The following PARP8 variants were observed in gnomAD, a reference collection of about 807,000 sequenced individuals.
PARP8 encodes the protein poly(ADP-ribose) polymerase family member 8.
A neutral mutation model predicts 124.1 loss-of-function variants in PARP8; 51 were observed. That is an observed-to-expected ratio of 0.41 (90% CI 0.33 to 0.52). PARP8 has a LOEUF of 0.52. Among genes scored for constraint, PARP8 ranks in the 20% least tolerant of loss-of-function variants. The pLI, the probability that PARP8 is intolerant of heterozygous loss-of-function variation, is 0.21. For missense variants in PARP8, 860 were observed against 1,018.9 expected (o/e 0.84, Z 2.12); for synonymous variants, 391 against 361.5 (o/e 1.08, Z -0.93).
Position 50,828,039 on chromosome 5 carries a change from A to G in PARP8, c.2073A>G (p.Gly691=). The change falls in exon 20 of 26, where the codon GGA becomes GGG. Residue 691 remains glycine (G), a synonymous_variant. Transcript: ENST00000281631. The stretch of plus-strand genomic sequence containing the variant: ...TTAGAGCTGCTAAAAAACTCTTTGG[A>G]AGCACCTTTGCATTTCAGTGAGTAA... ...SNFRAAKKLF[G]STFAFHGSHI... The G allele has an allele frequency of 6.2e-7, 1 of 1,608,928 alleles. No individual in the cohort carries two copies. The highest frequency in any genetic ancestry group is 8.5e-7 in the Non-Finnish European group (1 of 1,175,446).
intron 15 of PARP8, among the ~76,000 whole-genome samples, chr5:50,817,464 C>A (rs186724062): frequency 2.2e-4 from 33 of 152,302 alleles, no homozygotes; most frequent in Admixed American, 2.1e-3. Flanking sequence ...ACCTCAGGAT[C>A]TCATTGCCTC....
At chr5:50,755,613 T>A (rs1385154342) in intron 3 of PARP8, among the ~76,000 whole-genome samples, 1 of 152,080 alleles carries the variant, frequency 6.6e-6, no homozygotes, top group African/African-American at 2.4e-5. Flanking sequence ...GTCAGGTAGT[T>A]TGATGCCTCC....
At chr5:50,677,436 C>A (rs1211300446) in intron 2 of PARP8, among the ~76,000 whole-genome samples, 1 of 151,752 alleles carries the variant, frequency 6.6e-6, no homozygotes, top group Non-Finnish European at 1.5e-5. Context: ...TTAACTAAGA[C>A]AAAGTTTGAA....
intron 2 of PARP8, among the ~76,000 whole-genome samples, chr5:50,711,267 A>G (rs1479772108): frequency 6.6e-6 from 1 of 152,148 alleles, no homozygotes; most frequent in Non-Finnish European, 1.5e-5. Context: ...TTCCATGCAA[A>G]GGGAACACCA....
intron 14 of PARP8, among the ~76,000 whole-genome samples, chr5:50,799,009 T>C (rs762988123): frequency 3.9e-5 from 6 of 152,216 alleles, no homozygotes; most frequent in Non-Finnish European, 8.8e-5. Flanking sequence ...TATTTTCTTC[T>C]ATTTTGTAGT....
At chr5:50,786,471 C>G (rs112364730) in intron 9 of PARP8, among the ~76,000 whole-genome samples, 5 of 151,286 alleles carry the variant, frequency 3.3e-5, no homozygotes, top group African/African-American at 9.7e-5. Context: ...TTCAGGTGAT[C>G]CTCCCACCTC....
At chr5:50,729,973 G>T (rs1456647130) in intron 2 of PARP8, among the ~76,000 whole-genome samples, 1 of 152,150 alleles carries the variant, frequency 6.6e-6, no homozygotes, top group Admixed American at 6.6e-5. Flanking sequence ...ATTTGAGAAT[G>T]CAAGCATTGT....
In PARP8 at chr5:50,782,059, G is replaced by A. The variant is rs544773099; in HGVS notation, c.670+3409G>A. On this transcript the variant is annotated intron_variant, in intron 9 of 25. Coordinates refer to ENST00000281631, the MANE Select transcript of PARP8 (RefSeq NM_024615.4). Reference sequence around the variant, plus strand: ...GAAGAAGGCAGCATCTGCTGAGGGAGGAAGCCCTGCCAGACCAATCCGGAG... The same window carrying A: ...GAAGAAGGCAGCATCTGCTGAGGGAAGAAGCCCTGCCAGACCAATCCGGAG... Among the ~76,000 whole-genome samples the A allele has an allele frequency of 7.6e-4, 116 of 152,318 alleles. 3 individuals are homozygous for A. The South Asian group carries it at 0.024, about 31-fold the overall frequency.
At chr5:50,772,849 A>AC (rs1488818301) in intron 7 of PARP8, among the ~76,000 whole-genome samples, 1 of 152,138 alleles carries the variant, frequency 6.6e-6, no homozygotes, top group South Asian at 2.1e-4. Flanking sequence ...GGCGTGTGCC[A>AC]CCACACCTGG....
At chr5:50,730,367 T>C (rs895306417) in intron 2 of PARP8, among the ~76,000 whole-genome samples, 2 of 152,196 alleles carry the variant, frequency 1.3e-5, no homozygotes, top group African/African-American at 4.8e-5. Context: ...TTTACAATTA[T>C]GGCAGAAGGG....
chr5:50,709,637 C>T (rs1229026056), intron 2 of PARP8, among the ~76,000 whole-genome samples: 2 of 151,766 alleles, frequency 1.3e-5, no homozygotes, highest in Non-Finnish European at 2.9e-5. Flanking sequence ...CAGTAAAATT[C>T]TTGAGTGCAG....
intron 22 of PARP8, 37 bp from the exon 23 acceptor site, chr5:50,832,744 C>G (rs773722942): frequency 6.2e-7 from 1 of 1,603,430 alleles, no homozygotes; most frequent in South Asian, 1.1e-5. Flanking sequence ...CATCAGACAG[C>G]TTTGTCCCTA....
intron 10 of PARP8, among the ~76,000 whole-genome samples, chr5:50,793,444 C>G (rs1335719778): frequency 4.6e-5 from 7 of 152,128 alleles, no homozygotes; most frequent in Non-Finnish European, 1.0e-4. Context: ...AACACTGTGT[C>G]CAAGTCCACA....
At chr5:50,721,950 A>G (rs1182396029) in intron 2 of PARP8, among the ~76,000 whole-genome samples, 1 of 152,086 alleles carries the variant, frequency 6.6e-6, no homozygotes, top group Non-Finnish European at 1.5e-5. Context: ...CTGTATCTAT[A>G]TCATGCCCTA....
intron 7 of PARP8, among the ~76,000 whole-genome samples, chr5:50,765,692 A>G (rs1328989281): frequency 6.6e-6 from 1 of 152,214 alleles, no homozygotes; most frequent in Non-Finnish European, 1.5e-5. Flanking sequence ...CAAAATAAAT[A>G]TCTTCCTAGA....
At chr5:50,698,101 C>CCTTCATG (rs1466374410) in intron 2 of PARP8, among the ~76,000 whole-genome samples, 1 of 152,182 alleles carries the variant, frequency 6.6e-6, no homozygotes, top group African/African-American at 2.4e-5. Flanking sequence ...GAAGATATGA[C>CCTTCATG]CTTCATGAAG....
intron 9 of PARP8, among the ~76,000 whole-genome samples, chr5:50,781,320 G>A (rs1441907904): frequency 6.9e-6 from 1 of 145,968 alleles, no homozygotes; most frequent in Non-Finnish European, 1.5e-5. Flanking sequence ...GAATTTTGTT[G>A]TGAATATCAA....
intron 10 of PARP8, among the ~76,000 whole-genome samples, chr5:50,793,420 C>A (rs1399939189): frequency 6.6e-6 from 1 of 152,154 alleles, no homozygotes; most frequent in Non-Finnish European, 1.5e-5. Context: ...AGCCAAAGAC[C>A]TTTCCCAAAT....
At chr5:50,708,672 C>G (rs1554046872) in intron 2 of PARP8, among the ~76,000 whole-genome samples, 1 of 151,994 alleles carries the variant, frequency 6.6e-6, no homozygotes, top group Non-Finnish European at 1.5e-5. Context: ...TCTGAAATTT[C>G]ACATTGATAT....
Sources: gnomAD v4.1 joint callset for allele counts (sites outside exome capture counted in the v4.1 genomes callset) on GRCh38, gnomAD v4.1.1 for gene constraint, MANE v1.5 for transcripts, NCBI Gene and HGNC (gene_info 2026-07-23, HGNC 2026-07-21) for gene names.